The following MACROD2 variants were observed in gnomAD, a reference collection of about 807,000 sequenced individuals.
MACROD2 encodes the protein ADP-ribose glycohydrolase MACROD2.
MACROD2 carries 36 observed loss-of-function variants against 70.4 expected under a neutral mutation model. The ratio of observed to expected loss-of-function variants is 0.51; its 90% CI spans 0.39 to 0.68. The LOEUF (loss-of-function observed/expected upper bound fraction) is 0.68, where lower values mean the gene tolerates loss of function less well. Ranked by LOEUF, MACROD2 falls within the 30% of genes least tolerant of loss-of-function variation. The pLI, the probability that MACROD2 is intolerant of heterozygous loss-of-function variation, is 0.00. For missense variants in MACROD2, 496 were observed against 538.4 expected, an observed-to-expected ratio of 0.92 and a Z score of 0.78; for synonymous variants, 172 against 178.8, an observed-to-expected ratio of 0.96 and a Z score of 0.30.
chr20:15,904,163 C>A (rs964688189), intron 10 of MACROD2, among the ~76,000 whole-genome samples: 1 of 152,152 alleles, frequency 6.6e-6, no homozygotes, highest in Non-Finnish European at 1.5e-5. Context: ...GCCAAAGTTC[C>A]TTGTTTTACA....
intron 5 of MACROD2, among the ~76,000 whole-genome samples, chr20:15,056,942 A>G (rs2075491058): frequency 6.6e-6 from 1 of 152,198 alleles, no homozygotes; most frequent in Non-Finnish European, 1.5e-5. Flanking sequence ...AAATAAATTT[A>G]AAAACTAGAA....
At position 15,459,711 on chromosome 20, in the gene MACROD2, C is replaced by T. The variant is rs746107323; in HGVS notation, c.571+28276C>T. Among the ~76,000 whole-genome samples, 135 of 152,250 alleles carry T rather than the reference C, an allele frequency of 8.9e-4. 1 individual carries two copies. The highest frequency in any genetic ancestry group is 1.3e-3 in the Non-Finnish European group (89 of 68,014). On this transcript the variant is annotated intron_variant, in intron 7 of 17. Coordinates refer to ENST00000684519, the MANE Select transcript of MACROD2 (RefSeq NM_001351661.2). ...TCTTGCTCCTTTTCTAGACAGTTTTCCTCTCCCGGGAGCCTATGGGAACAG... is the reference window on the plus strand; with the variant it reads ...TCTTGCTCCTTTTCTAGACAGTTTTTCTCTCCCGGGAGCCTATGGGAACAG...
At chr20:15,820,739 G>GT (rs1239764695) in intron 8 of MACROD2, among the ~76,000 whole-genome samples, 1 of 152,116 alleles carries the variant, frequency 6.6e-6, no homozygotes, top group Non-Finnish European at 1.5e-5. Context: ...CTTGTTTTAA[G>GT]TTTTTTATAG....
Position 15,823,316 on chromosome 20 carries a change from G to GTGTGTGTGTGTA in MACROD2, c.646-39424_646-39423insGTGTGTATGTGT, listed in dbSNP as rs139668215. On this transcript the variant is annotated intron_variant, in intron 8 of 17. Coordinates refer to ENST00000684519, the MANE Select transcript of MACROD2 (RefSeq NM_001351661.2). ...TGTGTGTGTGTGTGTGTGTGTGTGT[G>GTGTGTGTGTGTA]TGTGTCTATAGCTGTCTATGCGAAG... Among the ~76,000 whole-genome samples, 227 of 148,138 alleles carry GTGTGTGTGTGTA rather than the reference G, an allele frequency of 1.5e-3. 6 individuals carry two copies. Among genetic ancestry groups the GTGTGTGTGTGTA allele is most frequent in the Middle Eastern group, 6.8e-3 (2 of 294 alleles).
intron 8 of MACROD2, among the ~76,000 whole-genome samples, chr20:15,790,908 A>G (rs1364146853): frequency 1.3e-5 from 2 of 151,894 alleles, no homozygotes; most frequent in African/African-American, 4.8e-5. Flanking sequence ...ATAGATGTCA[A>G]TGTATTTGGA....
At chr20:14,678,028 C>T (rs1396512380) in intron 4 of MACROD2, among the ~76,000 whole-genome samples, 1 of 152,132 alleles carries the variant, frequency 6.6e-6, no homozygotes, top group East Asian at 1.9e-4. Context: ...TGTAGTGGTT[C>T]TACATAATAA....
intron 3 of MACROD2, among the ~76,000 whole-genome samples, chr20:14,382,128 C>G (rs1173505928): frequency 7.0e-6 from 1 of 143,062 alleles, no homozygotes; most frequent in Non-Finnish European, 1.5e-5. Flanking sequence ...GTGGTGCCAT[C>G]TGGGCTCACT....
At chr20:15,765,917 T>A (rs1203837426) in intron 8 of MACROD2, among the ~76,000 whole-genome samples, 6 of 152,176 alleles carry the variant, frequency 3.9e-5, no homozygotes, top group Non-Finnish European at 8.8e-5. Flanking sequence ...CTTTTTGTTT[T>A]TGGCATCCTT....
At chr20:15,474,575 A>G (rs1200029490) in intron 7 of MACROD2, among the ~76,000 whole-genome samples, 1 of 152,206 alleles carries the variant, frequency 6.6e-6, no homozygotes, top group Non-Finnish European at 1.5e-5. Flanking sequence ...TTCATGAAGT[A>G]CAGATTAAAA....
At chr20:15,085,439 A>G (rs1416108424) in intron 5 of MACROD2, among the ~76,000 whole-genome samples, 1 of 152,160 alleles carries the variant, frequency 6.6e-6, no homozygotes, top group East Asian at 1.9e-4. Context: ...AAAGGACACA[A>G]GAAAATGAAG....
intron 8 of MACROD2, among the ~76,000 whole-genome samples, chr20:15,763,133 T>G (rs1264438681): frequency 3.9e-5 from 6 of 152,176 alleles, no homozygotes; most frequent in African/African-American, 1.4e-4. Context: ...CTTTGATGAA[T>G]TTTACCTGAT....
intron 5 of MACROD2, among the ~76,000 whole-genome samples, chr20:14,808,877 A>G (rs1463718414): frequency 6.6e-6 from 1 of 152,150 alleles, no homozygotes; most frequent in African/African-American, 2.4e-5. Flanking sequence ...CAATGCAACA[A>G]GAAGAGCTAA....
At chr20:15,076,042 C>A (rs2075655274) in intron 5 of MACROD2, among the ~76,000 whole-genome samples, 1 of 152,048 alleles carries the variant, frequency 6.6e-6, no homozygotes, top group Admixed American at 6.6e-5. Context: ...TCAGTTATAA[C>A]CTTATAATCA....
intron 10 of MACROD2, chr20:15,893,725 T>A (rs1422034020): frequency 4.4e-6 from 2 of 456,638 alleles, no homozygotes; most frequent in Non-Finnish European, 8.8e-6. Flanking sequence ...GGAGCATATT[T>A]ACGCTTTGTC....
At chr20:15,715,845 G>T in intron 8 of MACROD2, among the ~76,000 whole-genome samples, 1 of 152,032 alleles carries the variant, frequency 6.6e-6, no homozygotes. Context: ...CGCCATCTTT[G>T]GAGGTAGATC....
intron 5 of MACROD2, among the ~76,000 whole-genome samples, chr20:15,194,195 G>C (rs994795288): frequency 1.6e-5 from 2 of 128,086 alleles, no homozygotes; most frequent in Non-Finnish European, 3.1e-5. Context: ...ACAGTGAGCT[G>C]AGATTGAGCC....
At chr20:15,603,378 C>T (rs1054704825) in intron 8 of MACROD2, among the ~76,000 whole-genome samples, 2 of 151,336 alleles carry the variant, frequency 1.3e-5, no homozygotes, top group Non-Finnish European at 1.5e-5. Context: ...CATGGTGGTA[C>T]GCACCTGTAG....
rs555280823 is a variant in MACROD2 at position 14,925,057 on chromosome 20, G to C, written c.418+240098G>C. On this transcript the variant is annotated intron_variant, in intron 5 of 17. Coordinates refer to ENST00000684519, the MANE Select transcript of MACROD2 (RefSeq NM_001351661.2). ...TTCACTTCTCCTCATCAGGCAGGTG[G>C]TTGAAACTACGTAATGCTTGTCTTT... 2.6e-5 allele frequency among the ~76,000 whole-genome samples: 4 copies of C among 152,010 alleles called. No individual in the cohort carries two copies. In the South Asian group the frequency reaches 6.2e-4, roughly 24 times the overall value.
chr20:15,419,668 G>A (rs1447130192), intron 6 of MACROD2, among the ~76,000 whole-genome samples: 4 of 152,152 alleles, frequency 2.6e-5, no homozygotes, highest in African/African-American at 9.7e-5. Flanking sequence ...ACTTCTCAGG[G>A]GATTTGAAAA....
Sources: allele counts gnomAD v4.1 joint callset (sites outside exome capture counted in the v4.1 genomes callset), GRCh38; gene constraint gnomAD v4.1.1; transcripts MANE v1.5; gene names NCBI Gene and HGNC (gene_info 2026-07-23, HGNC 2026-07-21).